The following SNAP91 variants were observed in gnomAD, a reference collection of about 807,000 sequenced individuals.
The protein encoded by SNAP91 is synaptosome associated protein 91.
A neutral mutation model predicts 100.3 loss-of-function variants in SNAP91; 27 were observed. That is an observed-to-expected ratio of 0.27 (90% CI 0.20 to 0.37). The LOEUF (loss-of-function observed/expected upper bound fraction) is 0.37, where lower values mean the gene tolerates loss of function less well. Among genes scored for constraint, SNAP91 ranks in the 10% least tolerant of loss-of-function variants. SNAP91 has a pLI of 1.00. For missense variants in SNAP91, 986 were observed against 1,123.7 expected (o/e 0.88, Z 1.75); for synonymous variants, 404 against 398.6 (o/e 1.01, Z -0.16).
intron 2 of SNAP91, among the ~76,000 whole-genome samples, chr6:83,693,149 T>C (rs1389635659): frequency 6.6e-6 from 1 of 152,180 alleles, no homozygotes; most frequent in African/African-American, 2.4e-5. Flanking sequence ...GAAAAAAGCA[T>C]AAGTCTTGCA....
chr6:83,642,984 T>A (rs2097771991), intron 7 of SNAP91, among the ~76,000 whole-genome samples: 1 of 152,268 alleles, frequency 6.6e-6, no homozygotes, highest in Non-Finnish European at 1.5e-5. Context: ...TGCATAAACG[T>A]CTTCTTTTGA....
At chr6:83,591,131 T>A (rs1027558356) in intron 22 of SNAP91, 80 bp downstream of exon 22, 40 of 940,690 alleles carry the variant, frequency 4.3e-5, no homozygotes, top group Middle Eastern at 5.5e-4. Flanking sequence ...CACCCTGCAA[T>A]TTATGTAATT....
At chr6:83,684,927 A>G (rs1241387458) in intron 2 of SNAP91, among the ~76,000 whole-genome samples, 2 of 152,204 alleles carry the variant, frequency 1.3e-5, no homozygotes, top group Admixed American at 1.3e-4. Flanking sequence ...CAACACCAAG[A>G]TCTGTGCCTC....
At chr6:83,651,217 T>G (rs1241724809) in intron 7 of SNAP91, among the ~76,000 whole-genome samples, 1 of 152,142 alleles carries the variant, frequency 6.6e-6, no homozygotes, top group Non-Finnish European at 1.5e-5. Context: ...TTTCATCATT[T>G]TTTTCTATTG....
At chr6:83,642,601 T>G (rs1217234022) in intron 7 of SNAP91, among the ~76,000 whole-genome samples, 3 of 152,260 alleles carry the variant, frequency 2.0e-5, no homozygotes, top group Admixed American at 6.5e-5. Context: ...GTTGGACATT[T>G]GGGTTGGTTC....
At position 83,582,246 on chromosome 6, in the gene SNAP91, T is replaced by C. The variant is rs1432520103; in HGVS notation, c.2125A>G (p.Ser709Gly). Residue 709 changes from serine (S) to glycine (G), a missense_variant, in exon 23 of 30, where the codon AGC becomes GGC. Transcript: ENST00000369694. ...CCTGATGGATCAAAGGAGCTGCTGC[T>C]GGAAGTTGAAGGCGTTGTCCCAAAA... ...AAFGTTPSTS[S>G]SSSFDPSVFD... The C allele has an allele frequency of 1.2e-6, 2 of 1,613,574 alleles. No homozygotes were observed. The highest frequency in any genetic ancestry group is 1.7e-6 in the Non-Finnish European group (2 of 1,179,726).
intron 10 of SNAP91, among the ~76,000 whole-genome samples, chr6:83,615,305 G>C (rs2096416163): frequency 6.6e-6 from 1 of 152,168 alleles, no homozygotes; most frequent in South Asian, 2.1e-4. Flanking sequence ...GAGTGGAAGA[G>C]TGCAGAGAAG....
intron 8 of SNAP91, among the ~76,000 whole-genome samples, chr6:83,623,897 T>A: frequency 6.6e-6 from 1 of 152,222 alleles, no homozygotes; most frequent in South Asian, 2.1e-4. Context: ...AATGAACTTA[T>A]GTTTCACTAA....
chr6:83,569,567 T>C (rs1338214925), intron 26 of SNAP91, among the ~76,000 whole-genome samples: 1 of 152,220 alleles, frequency 6.6e-6, no homozygotes, highest in African/African-American at 2.4e-5. Context: ...GCTTTTCCCT[T>C]GTTCCCTTCT....
At chr6:83,679,523 C>T (rs1211573055) in intron 2 of SNAP91, among the ~76,000 whole-genome samples, 1 of 152,096 alleles carries the variant, frequency 6.6e-6, no homozygotes, top group Non-Finnish European at 1.5e-5. Flanking sequence ...AGGTCTACCC[C>T]TGAAGCCCCA....
At chr6:83,610,116 C>A (rs1225520033) in intron 12 of SNAP91, among the ~76,000 whole-genome samples, 3 of 151,874 alleles carry the variant, frequency 2.0e-5, no homozygotes, top group African/African-American at 7.3e-5. Context: ...GTATATACCC[C>A]CAAAGAATCA....
intron 8 of SNAP91, among the ~76,000 whole-genome samples, chr6:83,639,819 T>C (rs217326): frequency 0.43 from 65,929 of 151,864 alleles, 14,449 homozygotes; most frequent in South Asian, 0.5. Context: ...CAAAATAATC[T>C]GTTCTCCGTA....
At chr6:83,562,592 A>G (rs562381738) in intron 26 of SNAP91, among the ~76,000 whole-genome samples, 3 of 152,252 alleles carry the variant, frequency 2.0e-5, no homozygotes, top group Admixed American at 6.5e-5. Flanking sequence ...TATCTGCTTC[A>G]TACCATCACC....
At chr6:83,580,285 T>C (rs1826134044) in intron 24 of SNAP91, among the ~76,000 whole-genome samples, 165 bp downstream of exon 24, 1 of 152,018 alleles carries the variant, frequency 6.6e-6, no homozygotes, top group Admixed American at 6.6e-5. Flanking sequence ...TCCAAGGACC[T>C]GCACTGGGTA....
intron 2 of SNAP91, among the ~76,000 whole-genome samples, chr6:83,704,165 T>C (rs1451874797): frequency 3.3e-5 from 5 of 152,160 alleles, no homozygotes; most frequent in African/African-American, 1.2e-4. Context: ...CAGTTGTAAC[T>C]AAAAAGGTAA....
In SNAP91 at chr6:83,690,288, T is replaced by C. The variant is rs2099114515; in HGVS notation, c.130+17510A>G. 6 of 1,201,476 alleles carry C rather than the reference T, an allele frequency of 5.0e-6. No homozygotes were observed. The Admixed American group carries it at 1.9e-4, about 37-fold the overall frequency. 74.4% of individuals were successfully genotyped at this position (1,201,476 alleles called of 1,614,324 possible). ...ATAATACTGTGATCCAAAACAAATG[T>C]AACATATTTCTGAAGTATTTCTCCT... On this transcript the variant is annotated intron_variant, in intron 2 of 29. Transcript: ENST00000369694.
At chr6:83,611,388 C>T (rs1180863647) in intron 11 of SNAP91, 1 of 446,866 alleles carries the variant, frequency 2.2e-6, no homozygotes, top group Non-Finnish European at 4.5e-6. Context: ...TTGACTATTG[C>T]AGATCACTTC....
In SNAP91 at chr6:83,660,235, G is replaced by A. The variant is rs553365069; in HGVS notation, c.453-1143C>T. Among the ~76,000 whole-genome samples, 4 of 152,292 alleles carry A rather than the reference G, an allele frequency of 2.6e-5. No homozygotes were observed. The South Asian group carries it at 6.2e-4, about 24-fold the overall frequency. ...TGGGAACATCAGCAATGGTTGCATG[G>A]TGCCATGTAAGAAGTTAGAGGAAGG... On this transcript the variant is annotated intron_variant, in intron 5 of 29. Transcript: ENST00000369694.
At chr6:83,585,110 G>C (rs1318879904) in intron 22 of SNAP91, among the ~76,000 whole-genome samples, 2 of 152,196 alleles carry the variant, frequency 1.3e-5, no homozygotes, top group Non-Finnish European at 2.9e-5. Context: ...TGAGGCATTT[G>C]AGGAATTCCT....
Sources: allele counts gnomAD v4.1 joint callset (sites outside exome capture counted in the v4.1 genomes callset), GRCh38; gene constraint gnomAD v4.1.1; transcripts MANE v1.5; gene names NCBI Gene and HGNC (gene_info 2026-07-23, HGNC 2026-07-21).